Variants in KLHDC2 observed in about 807,000 individuals in gnomAD.
The protein encoded by KLHDC2 is kelch domain containing 2.
A neutral mutation model predicts 62.3 loss-of-function variants in KLHDC2; 38 were observed. That is an observed-to-expected ratio of 0.61 (90% CI 0.47 to 0.80). The LOEUF is 0.80. Among genes scored for constraint, KLHDC2 ranks in the 30% least tolerant of loss-of-function variants. The probability of loss-of-function intolerance (pLI) is 0.00; values close to 1 mark genes in which losing one functional copy is unlikely to be tolerated. For synonymous variants in KLHDC2, 159 were observed against 161.0 expected (o/e 0.99, Z 0.09); for missense variants, 430 against 495.3 (o/e 0.87, Z 1.25).
At position 49,783,052 on chromosome 14, in the gene KLHDC2, T is replaced by C. The variant is rs1194583983; in HGVS notation, c.*99T>C. ...GTATAATTATATGCATTGTTGTAGT[T>C]TGCACCTGTTGGTTTTAATGTGCAT... On this transcript the variant is annotated 3_prime_UTR_variant, in exon 13 of 13. Coordinates refer to ENST00000298307, the MANE Select transcript of KLHDC2 (RefSeq NM_014315.3). 7.7e-7 allele frequency: 1 copy of C among 1,298,428 alleles called. No homozygotes were observed. Among genetic ancestry groups the C allele is most frequent in the East Asian group, 2.4e-5 (1 of 41,126 alleles). 80.4% of individuals were successfully genotyped at this position (1,298,428 alleles called of 1,614,324 possible).
At chr14:49,772,556 C>T (rs1216917385) in intron 2 of KLHDC2, among the ~76,000 whole-genome samples, 1 of 152,182 alleles carries the variant, frequency 6.6e-6, no homozygotes, top group Non-Finnish European at 1.5e-5. Flanking sequence ...CTGGGTTAGC[C>T]ATGGTTGCGG....
At chr14:49,771,733 T>G in intron 2 of KLHDC2, 60 bp downstream of exon 2, 1 of 865,524 alleles carries the variant, frequency 1.2e-6, no homozygotes, top group Non-Finnish European at 2.0e-6. Flanking sequence ...GCACGGTGGC[T>G]GGCTCATGCC....
At chr14:49,781,361 C>T (rs1889897309) in intron 10 of KLHDC2, among the ~76,000 whole-genome samples, 1 of 61,168 alleles carries the variant, frequency 1.6e-5, no homozygotes, top group African/African-American at 5.8e-5. Context: ...AAGAGTGAAA[C>T]TCTGTCTCAA....
rs35247807 is a variant in KLHDC2, at chr14:49,783,297, AT to A, written c.*357del. ...AAGTCATTTTTTGAAAACATTATAG[AT>A]TTTTTTTTTTTTAATGGCAAGAGTA... On this transcript the variant is annotated 3_prime_UTR_variant, in exon 13 of 13. Coordinates refer to ENST00000298307, the MANE Select transcript of KLHDC2 (RefSeq NM_014315.3). The A allele has an allele frequency of 2.6e-5, 4 of 156,812 alleles. No homozygotes were observed. The highest frequency in any genetic ancestry group is 9.6e-5 in the African/African-American group (4 of 41,456). 9.7% of individuals were successfully genotyped at this position (156,812 alleles called of 1,614,324 possible). A position where few individuals can be genotyped will look rare whatever the true frequency, so the allele number is the denominator to read the frequency against.
chr14:49,768,881 C>T (rs1271520720), intron 1 of KLHDC2: 3 of 455,246 alleles, frequency 6.6e-6, no homozygotes, highest in Non-Finnish European at 7.8e-6. Flanking sequence ...CTCCCACCCC[C>T]GTTGTTGCCA....
intron 5 of KLHDC2, 26 bp from the exon 6 acceptor site, chr14:49,778,385 A>G: frequency 1.4e-6 from 2 of 1,422,450 alleles, no homozygotes; most frequent in Non-Finnish European, 2.0e-6. Context: ...CATTTCTAAA[A>G]TAACGCGGAT....
intron 1 of KLHDC2, among the ~76,000 whole-genome samples, chr14:49,770,302 ATTGTTT>A (rs1889636010): frequency 1.3e-5 from 2 of 152,050 alleles, no homozygotes; most frequent in Non-Finnish European, 2.9e-5. Context: ...GTCCTTGGAG[ATTGTTT>A]CAAAGGCAAT....
chr14:49,776,811 C>T (rs1191847392), intron 3 of KLHDC2, among the ~76,000 whole-genome samples: 5 of 132,186 alleles, frequency 3.8e-5, no homozygotes, highest in Admixed American at 8.4e-5. Context: ...CCTAGCTAGT[C>T]GGGTGGCTGA....
At chr14:49,777,273 T>TA (rs1889792371) in intron 3 of KLHDC2, among the ~76,000 whole-genome samples, 2 of 152,050 alleles carry the variant, frequency 1.3e-5, no homozygotes, top group African/African-American at 4.8e-5. Flanking sequence ...GGGTGAGGGA[T>TA]AAAAGACTAC....
chr14:49,775,615 CTTTTTT>C (rs10584257), intron 3 of KLHDC2, among the ~76,000 whole-genome samples: 6 of 87,822 alleles, frequency 6.8e-5, no homozygotes, highest in Admixed American at 1.5e-4. Context: ...AAGCAAATGT[CTTTTTT>C]TTTTTTTTTT....
rs1890126325 is a variant in KLHDC2 at position 49,785,453 on chromosome 14, G to GT, written c.*2500_*2501insT. On this transcript the variant is annotated 3_prime_UTR_variant, in exon 13 of 13. Coordinates refer to ENST00000298307, the MANE Select transcript of KLHDC2 (RefSeq NM_014315.3). The stretch of plus-strand genomic sequence containing the variant: ...TACATACCATCTAAGCTGGAACAGT[G>GT]GTACTTAAACTCTGCTTCATAGTTC... 6.1e-6 allele frequency: 4 copies of GT among 654,794 alleles called. No individual in the cohort carries two copies. In the East Asian group the frequency reaches 1.1e-4, roughly 18 times the overall value. 40.6% of individuals were successfully genotyped at this position (654,794 alleles called of 1,614,324 possible).
intron 1 of KLHDC2, 53 bp downstream of exon 1, chr14:49,768,674 G>C: frequency 6.8e-7 from 1 of 1,475,758 alleles, no homozygotes; most frequent in Non-Finnish European, 9.0e-7. Context: ...ACTCGGGTCT[G>C]CGTTCGCGGC....
rs757967378 is a variant in KLHDC2, at chr14:49,778,202, A to C, written c.492A>C (p.Gly164=). 7 of 1,607,726 alleles carry C rather than the reference A, an allele frequency of 4.4e-6. No individual in the cohort carries two copies. The East Asian group carries it at 1.6e-4, about 36-fold the overall frequency. Residue 164 remains glycine (G), a synonymous_variant, in exon 5 of 13, where the codon GGA becomes GGC. Transcript: ENST00000298307. The part of the protein sequence containing the change: ...KNKLIFFGGY[G]YLPEDKVLGT... ...GGTTAATATTTTTTGGAGGGTATGG[A>C]TATTTGCCTGAAGATAAAGTATTGG...
intron 12 of KLHDC2, 40 bp downstream of exon 12, chr14:49,782,634 T>G (rs754305762): frequency 2.0e-6 from 3 of 1,533,728 alleles, no homozygotes; most frequent in Non-Finnish European, 2.7e-6. Context: ...TATTTAAAAT[T>G]GTGTTTCCTA....
At position 49,768,429 on chromosome 14, in the gene KLHDC2, G is replaced by T. The variant is rs1374096824; in HGVS notation, c.-40G>T. The T allele has an allele frequency of 1.3e-6, 2 of 1,590,842 alleles. No individual in the cohort carries two copies. The highest frequency in any genetic ancestry group is 1.8e-5 in the Admixed American group (1 of 56,552). Reference sequence around the variant, plus strand: ...TTCCTTTGTTTTTTTGGCCCCTCGCGGGTGTGGGCATTGTTGGTTAGCAAA... The same window carrying T: ...TTCCTTTGTTTTTTTGGCCCCTCGCTGGTGTGGGCATTGTTGGTTAGCAAA... On this transcript the variant is annotated 5_prime_UTR_variant, in exon 1 of 13. Coordinates refer to ENST00000298307, the MANE Select transcript of KLHDC2 (RefSeq NM_014315.3).
At chr14:49,777,795 T>C (rs1402743566) in intron 3 of KLHDC2, 44 bp from the exon 4 acceptor site, 1 of 1,021,514 alleles carries the variant, frequency 9.8e-7, no homozygotes, top group Non-Finnish European at 1.5e-6. Flanking sequence ...AACTTGAATT[T>C]CTTTCATAAA....
In KLHDC2 at chr14:49,779,684, T is replaced by A; in HGVS notation, c.714+9T>A. On this transcript the variant is annotated intron_variant, in intron 7 of 12. Transcript: ENST00000298307. ...TTGGAGGCAGATATCGAGTAAGTAT[T>A]CAAACGACTTCAATGACTTGCTTTT... 1 of 1,613,080 alleles carries A rather than the reference T, an allele frequency of 6.2e-7. No homozygotes were observed. The highest frequency in any genetic ancestry group is 8.5e-7 in the Non-Finnish European group (1 of 1,179,018).
intron 10 of KLHDC2, among the ~76,000 whole-genome samples, chr14:49,780,988 G>A: frequency 6.6e-6 from 1 of 152,108 alleles, no homozygotes; most frequent in East Asian, 1.9e-4. Context: ...TTTTATTTTT[G>A]CTTCTTCCTT....
In KLHDC2 at chr14:49,784,346, G is replaced by C. The variant is rs888911973; in HGVS notation, c.*1393G>C. On this transcript the variant is annotated 3_prime_UTR_variant, in exon 13 of 13. Transcript: ENST00000298307. ...GTTCAGTTTCTTTACATCATGAAAT[G>C]AATACTTGGTATTAACCTCCCAAAT... The C allele has an allele frequency of 7.8e-6, 2 of 256,956 alleles. No homozygotes were observed. The highest frequency in any genetic ancestry group is 4.5e-5 in the African/African-American group (2 of 44,188). The allele number at this position is 256,956 out of a possible 1,614,324, so 15.9% of individuals were successfully genotyped here. A position where few individuals can be genotyped will look rare whatever the true frequency, so the allele number is the denominator to read the frequency against.
Sources: gnomAD v4.1 joint callset for allele counts (sites outside exome capture counted in the v4.1 genomes callset) on GRCh38, gnomAD v4.1.1 for gene constraint, MANE v1.5 for transcripts, NCBI Gene and HGNC (gene_info 2026-07-23, HGNC 2026-07-21) for gene names.